The following GSG1L variants were observed in gnomAD, a reference collection of about 807,000 sequenced individuals.
GSG1L encodes the protein GSG1 like, also known as germ cell-specific gene 1-like protein.
In GSG1L, 24 loss-of-function variants were observed where a neutral mutation model predicts 42.1. The observed-to-expected ratio is 0.57, with a 90% CI of 0.41 to 0.80. The LOEUF (loss-of-function observed/expected upper bound fraction) is 0.80. Ranked by LOEUF, GSG1L falls within the 30% of genes least tolerant of loss-of-function variation. GSG1L has a pLI of 0.00. For synonymous variants in GSG1L, 215 were observed against 203.5 expected (o/e 1.06, Z -0.48); for missense variants, 445 against 472.2 (o/e 0.94, Z 0.53).
chr16:27,838,902 G>A (rs1338355625), intron 4 of GSG1L, among the ~76,000 whole-genome samples: 1 of 152,202 alleles, frequency 6.6e-6, no homozygotes. Flanking sequence ...GGAGGCCGCA[G>A]CCACCTGCCT....
intron 1 of GSG1L, among the ~76,000 whole-genome samples, chr16:28,030,446 G>A (rs2085944837): frequency 6.6e-6 from 1 of 152,092 alleles, no homozygotes; most frequent in Admixed American, 6.5e-5. Context: ...AACCAACAAA[G>A]GATGCAGACC....
At chr16:28,043,446 G>T (rs1380328733) in intron 1 of GSG1L, among the ~76,000 whole-genome samples, 1 of 152,178 alleles carries the variant, frequency 6.6e-6, no homozygotes, top group Non-Finnish European at 1.5e-5. Context: ...ACAAAAGAAG[G>T]AGTCAAAAGG....
chr16:27,850,962 C>T (rs1349067767), intron 3 of GSG1L, among the ~76,000 whole-genome samples: 2 of 151,722 alleles, frequency 1.3e-5, no homozygotes, highest in Admixed American at 1.3e-4. Flanking sequence ...GCCGGGAAGG[C>T]GTTTTAACAA....
chr16:27,864,259 T>G (rs1285538342), intron 3 of GSG1L, among the ~76,000 whole-genome samples: 2 of 152,204 alleles, frequency 1.3e-5, no homozygotes, highest in African/African-American at 4.8e-5. Flanking sequence ...TGGGGCCACC[T>G]CTGCAGTGAG....
At chr16:27,827,893 TCCA>T (rs1567473194) in intron 5 of GSG1L, among the ~76,000 whole-genome samples, 3 of 86,616 alleles carry the variant, frequency 3.5e-5, no homozygotes, top group African/African-American at 1.1e-4. Context: ...CATCCATCCA[TCCA>T]TCCATCCCTT....
chr16:28,025,478 G>A (rs1246487477), intron 1 of GSG1L, among the ~76,000 whole-genome samples: 1 of 152,160 alleles, frequency 6.6e-6, no homozygotes, highest in African/African-American at 2.4e-5. Flanking sequence ...TGCCTAAAAT[G>A]CTCACTGCTG....
intron 1 of GSG1L, among the ~76,000 whole-genome samples, chr16:27,967,593 T>C (rs1173484201): frequency 6.6e-6 from 1 of 152,218 alleles, no homozygotes; most frequent in African/African-American, 2.4e-5. Context: ...CTGAAAGAGA[T>C]GTTTGCTGAC....
chr16:27,807,220 G>A (rs1459467881), intron 6 of GSG1L, among the ~76,000 whole-genome samples: 2 of 152,326 alleles, frequency 1.3e-5, no homozygotes, highest in Admixed American at 1.3e-4. Context: ...GCCTTGAGCT[G>A]GGTTTTCCCT....
chr16:27,987,744 C>T (rs193027536), intron 1 of GSG1L, among the ~76,000 whole-genome samples: 2 of 152,114 alleles, frequency 1.3e-5, no homozygotes, highest in Admixed American at 1.3e-4. Flanking sequence ...GTCAGGAAAT[C>T]GAGACCATCT....
intron 2 of GSG1L, among the ~76,000 whole-genome samples, chr16:27,939,615 T>C (rs1453768940): frequency 6.6e-6 from 1 of 152,182 alleles, no homozygotes; most frequent in Non-Finnish European, 1.5e-5. Flanking sequence ...TCTGGGCTTT[T>C]AAGTTCAAAA....
At chr16:27,877,011 C>T (rs772505176) in intron 3 of GSG1L, among the ~76,000 whole-genome samples, 44 of 152,272 alleles carry the variant, frequency 2.9e-4, no homozygotes, top group Admixed American at 2.4e-3. Flanking sequence ...AGGAATTTTC[C>T]GAACGACTTT....
chr16:27,961,522 C>T (rs2085072429), intron 2 of GSG1L, among the ~76,000 whole-genome samples: 1 of 152,208 alleles, frequency 6.6e-6, no homozygotes, highest in Non-Finnish European at 1.5e-5. Context: ...CTCTCTAAGC[C>T]TTGGTTTCTT....
chr16:28,033,197 C>T (rs929734341), intron 1 of GSG1L, among the ~76,000 whole-genome samples: 39 of 152,222 alleles, frequency 2.6e-4, no homozygotes, highest in African/African-American at 9.4e-4. Flanking sequence ...TGCTGGACCA[C>T]TTCTTCCCTC....
At chr16:27,826,051 G>A (rs766801367) in intron 5 of GSG1L, among the ~76,000 whole-genome samples, 13 of 152,148 alleles carry the variant, frequency 8.5e-5, no homozygotes, top group Non-Finnish European at 1.6e-4. Context: ...ATAAAAAATA[G>A]CAATGGGTTA....
intron 3 of GSG1L, among the ~76,000 whole-genome samples, chr16:27,859,167 G>A (rs899390887): frequency 2.6e-5 from 4 of 151,764 alleles, no homozygotes; most frequent in Admixed American, 2.6e-4. Context: ...ATTTGGAAGT[G>A]GATCTGGCTC....
intron 1 of GSG1L, among the ~76,000 whole-genome samples, chr16:27,995,174 C>T (rs535406984): frequency 5.3e-5 from 8 of 152,246 alleles, no homozygotes; most frequent in East Asian, 1.9e-4. Flanking sequence ...GGGAGACTCA[C>T]GAACATAATC....
chr16:27,861,089 C>T (rs544264719), intron 3 of GSG1L, among the ~76,000 whole-genome samples: 2 of 152,238 alleles, frequency 1.3e-5, no homozygotes, highest in Admixed American at 6.5e-5. Flanking sequence ...AAGTGAGGGC[C>T]GGGTTCGGTG....
At chr16:28,022,982 A>T (rs1004736478) in intron 1 of GSG1L, among the ~76,000 whole-genome samples, 1 of 151,840 alleles carries the variant, frequency 6.6e-6, no homozygotes, top group Non-Finnish European at 1.5e-5. Context: ...CAACCAGTTA[A>T]TTTTTTTGTT....
chr16:27,852,889 G>C (rs181026725), intron 3 of GSG1L, among the ~76,000 whole-genome samples: 1 of 152,154 alleles, frequency 6.6e-6, no homozygotes, highest in African/African-American at 2.4e-5. Flanking sequence ...GGACTTGCCA[G>C]GGCGCTGAGA....
Sources: allele counts gnomAD v4.1 joint callset (sites outside exome capture counted in the v4.1 genomes callset), GRCh38; gene constraint gnomAD v4.1.1; transcripts MANE v1.5; gene names NCBI Gene and HGNC (gene_info 2026-07-23, HGNC 2026-07-21).